Variants in SEL1L observed in about 807,000 individuals in gnomAD.
SEL1L encodes SEL1L adaptor subunit of SYVN1 ubiquitin ligase.
A neutral mutation model predicts 109.8 loss-of-function variants in SEL1L; 52 were observed. The ratio of observed to expected loss-of-function variants is 0.47; its 90% confidence interval spans 0.38 to 0.60. The LOEUF (loss-of-function observed/expected upper bound fraction) is 0.60. Among genes scored for constraint, SEL1L ranks in the 20% least tolerant of loss-of-function variants. The pLI, the probability that SEL1L is intolerant of heterozygous loss-of-function variation, is 0.00. For synonymous variants in SEL1L, 373 were observed against 339.6 expected, an observed-to-expected ratio of 1.10 and a Z score of -1.08; for missense variants, 749 against 962.2, an observed-to-expected ratio of 0.78 and a Z score of 2.93.
chr14:81,493,486 G>C (rs1383640039), intron 11 of SEL1L, among the ~76,000 whole-genome samples: 1 of 151,052 alleles, frequency 6.6e-6, no homozygotes, highest in Non-Finnish European at 1.5e-5. Flanking sequence ...CTCCAGCTTG[G>C]GTAACAGAGT....
intron 1 of SEL1L, among the ~76,000 whole-genome samples, chr14:81,530,406 A>G (rs1167594829): frequency 4.6e-5 from 7 of 152,196 alleles, no homozygotes; most frequent in Non-Finnish European, 8.8e-5. Context: ...AAGGGGTAAC[A>G]CCTCTGTCCC....
In SEL1L at chr14:81,479,622, C is replaced by T. The variant is rs750216389; in HGVS notation, c.2165G>A (p.Arg722Gln). The change falls in exon 20 of 21, where the codon CGG becomes CAG. Residue 722 changes from arginine (R) to glutamine (Q), a missense_variant. Transcript: ENST00000336735. The stretch of plus-strand genomic sequence containing the variant: ...GTACGGACCACTTACGTTTGTTTCC[C>T]GTATGTACTGCAAGAAATAGACGAC... ...LGVVYFLQYI[R>Q]ETNIRDMFTQ... 5.0e-6 allele frequency: 8 copies of T among 1,611,520 alleles called. No homozygotes were observed. Among genetic ancestry groups the T allele is most frequent in the South Asian group, 3.3e-5 (3 of 90,546 alleles).
In SEL1L at chr14:81,510,508, C is replaced by CTATA. The variant is rs1341079977; in HGVS notation, c.341-4268_341-4267insTATA. Among the ~76,000 whole-genome samples, 202 of 116,422 alleles carry CTATA rather than the reference C, an allele frequency of 1.7e-3. 1 individual carries two copies. Among genetic ancestry groups the CTATA allele is most frequent in the African/African-American group, 4.3e-3 (126 of 29,358 alleles). The allele number at this position is 116,422 out of a possible 152,430, so 76.4% of individuals were successfully genotyped here. The stretch of plus-strand genomic sequence containing the variant: ...TCTCTCTCTCTCTCTCTCTCTCTCT[C>CTATA]TCTCTCTATATATATATATATAGAC... On this transcript the variant is annotated intron_variant, in intron 3 of 20. Transcript: ENST00000336735.
chr14:81,489,516 C>G (rs1336212606), intron 13 of SEL1L, among the ~76,000 whole-genome samples: 1 of 152,124 alleles, frequency 6.6e-6, no homozygotes, highest in East Asian at 1.9e-4. Flanking sequence ...GGGTAATTTG[C>G]TGAAAAAGAG....
intron 3 of SEL1L, among the ~76,000 whole-genome samples, chr14:81,523,300 T>G (rs1052708650): frequency 7.9e-5 from 12 of 152,160 alleles, no homozygotes; most frequent in East Asian, 5.8e-4. Flanking sequence ...ATTTAATCAA[T>G]TATGCCTGCA....
intron 3 of SEL1L, among the ~76,000 whole-genome samples, chr14:81,507,074 G>A (rs1884270224): frequency 6.6e-6 from 1 of 152,188 alleles, no homozygotes; most frequent in South Asian, 2.1e-4. Context: ...AAACAGATTG[G>A]TGCTAAGGTG....
chr14:81,491,380 A>G (rs935819111), intron 12 of SEL1L, among the ~76,000 whole-genome samples: 3 of 152,280 alleles, frequency 2.0e-5, no homozygotes, highest in Non-Finnish European at 2.9e-5. Context: ...TATATGTTAA[A>G]GAAACAATAA....
At chr14:81,503,604 A>C (rs565713006) in intron 5 of SEL1L, among the ~76,000 whole-genome samples, 1 of 152,180 alleles carries the variant, frequency 6.6e-6, no homozygotes, top group African/African-American at 2.4e-5. Context: ...TGTTATCCTA[A>C]TATCTTGAAA....
rs1243932208 is a variant in SEL1L at position 81,476,513 on chromosome 14, G to A, written c.*459C>T. The A allele has an allele frequency of 6.6e-5, 10 of 151,932 alleles. No homozygotes were observed. Among genetic ancestry groups the A allele is most frequent in the Admixed American group, 6.6e-4 (10 of 15,196 alleles). The allele number at this position is 151,932 out of a possible 1,614,324, so 9.4% of individuals were successfully genotyped here. ...TTTTTTTTTTTAACTTAAAAGGCAAGTTCTATTTTCAGACTTTCGAACACG... is the reference window on the plus strand; with the variant it reads ...TTTTTTTTTTTAACTTAAAAGGCAAATTCTATTTTCAGACTTTCGAACACG... On this transcript the variant is annotated 3_prime_UTR_variant, in exon 21 of 21. Transcript: ENST00000336735.
At chr14:81,484,188 A>G (rs199866208) in intron 19 of SEL1L, 37 bp downstream of exon 19, 3 of 1,560,188 alleles carry the variant, frequency 1.9e-6, no homozygotes, top group Non-Finnish European at 2.6e-6. Flanking sequence ...CCCAATCACA[A>G]TTATGTGATT....
rs553538529 is a variant in SEL1L at position 81,525,661 on chromosome 14, A to G, written c.340+1072T>C. 5.9e-5 allele frequency among the ~76,000 whole-genome samples: 9 copies of G among 152,308 alleles called. No homozygotes were observed. The South Asian group carries it at 1.7e-3, about 28-fold the overall frequency. ...GAATTCTAAGGAAATTTTCACAGAT[A>G]GGCACAAAGATACATCTAAAATGAT... On this transcript the variant is annotated intron_variant, in intron 3 of 20. Coordinates refer to ENST00000336735, the MANE Select transcript of SEL1L (RefSeq NM_005065.6).
intron 14 of SEL1L, chr14:81,489,004 T>C (rs1376764017): frequency 3.9e-6 from 2 of 512,232 alleles, no homozygotes; most frequent in African/African-American, 2.0e-5. Context: ...AGAGCAGAGA[T>C]GGAAGAACAA....
At chr14:81,485,776 G>C (rs1023205521) in intron 17 of SEL1L, 30 bp from the exon 18 acceptor site, 1 of 1,596,676 alleles carries the variant, frequency 6.3e-7, no homozygotes, top group Non-Finnish European at 8.6e-7. Flanking sequence ...ATACAAATCA[G>C]GCATTTAAGA....
At chr14:81,532,123 AT>A (rs1427386311) in intron 1 of SEL1L, among the ~76,000 whole-genome samples, 1 of 152,244 alleles carries the variant, frequency 6.6e-6, no homozygotes, top group African/African-American at 2.4e-5. Context: ...TTCCACTGGC[AT>A]GGAGCTCTAA....
At chr14:81,487,115 T>C (rs897339039) in intron 16 of SEL1L, among the ~76,000 whole-genome samples, 5 of 152,092 alleles carry the variant, frequency 3.3e-5, no homozygotes, top group African/African-American at 4.8e-5. Context: ...ATATATTTTT[T>C]TGATGCTGAT....
chr14:81,506,381 A>G (rs1465222525), intron 3 of SEL1L, 140 bp from the exon 4 acceptor site: 1 of 730,760 alleles, frequency 1.4e-6, no homozygotes, highest in Non-Finnish European at 2.1e-6. Flanking sequence ...TAAAAGGGCT[A>G]GCAATGATTT....
chr14:81,490,918 CA>C (rs201162094), intron 12 of SEL1L, among the ~76,000 whole-genome samples: 1 of 151,612 alleles, frequency 6.6e-6, no homozygotes, highest in African/African-American at 2.4e-5. Flanking sequence ...AACAAACAAA[CA>C]AAAAAAACAA....
chr14:81,506,329 T>C (rs12435998), intron 3 of SEL1L, 88 bp from the exon 4 acceptor site: 221,564 of 1,196,468 alleles, frequency 0.19, 21,465 homozygotes, highest in East Asian at 0.2. Context: ...CTGTTGGAAT[T>C]TGAAGCAAAG....
At position 81,493,959 on chromosome 14, in the gene SEL1L, G is replaced by A. The variant is rs575495829; in HGVS notation, c.1185+1122C>T. Among the ~76,000 whole-genome samples, 335 of 152,252 alleles carry A rather than the reference G, an allele frequency of 2.2e-3. 2 individuals carry two copies. Among genetic ancestry groups the A allele is most frequent in the African/African-American group, 7.6e-3 (315 of 41,546 alleles). On this transcript the variant is annotated intron_variant, in intron 11 of 20. Coordinates refer to ENST00000336735, the MANE Select transcript of SEL1L (RefSeq NM_005065.6). Reference sequence around the variant, plus strand: ...TATCAGTTGACTTCTGAACATTAAAGTTCTTCAGGGCTCAGTTTTGGACTC... The same window carrying A: ...TATCAGTTGACTTCTGAACATTAAAATTCTTCAGGGCTCAGTTTTGGACTC...
Sources: gnomAD v4.1 joint callset for allele counts (sites outside exome capture counted in the v4.1 genomes callset) on GRCh38, gnomAD v4.1.1 for gene constraint, MANE v1.5 for transcripts, NCBI Gene and HGNC (gene_info 2026-07-23, HGNC 2026-07-21) for gene names.